The following LYPLAL1 variants were observed in gnomAD, a reference collection of about 807,000 sequenced individuals.
LYPLAL1 encodes lysophospholipase-like protein 1.
Under a neutral mutation model 19.7 loss-of-function variants are expected in LYPLAL1, and 23 were observed. The ratio of observed to expected loss-of-function variants is 1.17; its 90% CI spans 0.84 to 1.65. The LOEUF (loss-of-function observed/expected upper bound fraction) is 1.65, where lower values mean the gene tolerates loss of function less well. Ranked by LOEUF, LYPLAL1 falls within the 40% of genes most tolerant of loss-of-function variation. The probability of loss-of-function intolerance (pLI) is 0.00; values close to 1 mark genes in which losing one functional copy is unlikely to be tolerated. For synonymous variants in LYPLAL1, 119 were observed against 96.3 expected, an observed-to-expected ratio of 1.24 and a Z score of -1.38; for missense variants, 355 against 279.4, an observed-to-expected ratio of 1.27 and a Z score of -1.93.
the LYPLAL1 span, among the ~76,000 whole-genome samples, chr1:219,296,725 T>C: frequency 1.8e-4 from 27 of 152,312 alleles, no homozygotes; most frequent in Non-Finnish European, 2.6e-4. Flanking sequence ...CATGCATACT[T>C]CCAACATTAG....
At chr1:219,323,401 T>C in the LYPLAL1 span, among the ~76,000 whole-genome samples, 1 of 151,982 alleles carries the variant, frequency 6.6e-6, no homozygotes, top group Non-Finnish European at 1.5e-5. Flanking sequence ...ATTAGGTGAG[T>C]TTGAAAGAGG....
chr1:219,341,909 ATTTGT>A, the LYPLAL1 span, among the ~76,000 whole-genome samples: 2 of 152,154 alleles, frequency 1.3e-5, no homozygotes, highest in African/African-American at 4.8e-5. Flanking sequence ...TTTCTAATAG[ATTTGT>A]TTTACTGAAG....
the LYPLAL1 span, among the ~76,000 whole-genome samples, chr1:219,346,617 G>A: frequency 6.6e-6 from 1 of 152,162 alleles, no homozygotes; most frequent in Non-Finnish European, 1.5e-5. Context: ...GAGAGACGCT[G>A]TGTTGAACCA....
the LYPLAL1 span, among the ~76,000 whole-genome samples, chr1:219,259,661 G>A: frequency 6.6e-6 from 1 of 151,532 alleles, no homozygotes; most frequent in East Asian, 1.9e-4. Context: ...AGAGAAGTGA[G>A]AGATAAAAGA....
the LYPLAL1 span, among the ~76,000 whole-genome samples, chr1:219,356,754 T>G: frequency 6.6e-6 from 1 of 152,176 alleles, no homozygotes; most frequent in African/African-American, 2.4e-5. Flanking sequence ...GTTTCAAAAA[T>G]TACTTGCAAT....
chr1:219,234,853 G>A, the LYPLAL1 span, among the ~76,000 whole-genome samples: 9 of 152,056 alleles, frequency 5.9e-5, no homozygotes, highest in African/African-American at 1.2e-4. Context: ...AGTTATAATC[G>A]CAAACAATGG....
At chr1:219,411,395 C>T in the LYPLAL1 span, among the ~76,000 whole-genome samples, 1 of 152,138 alleles carries the variant, frequency 6.6e-6, no homozygotes, top group Non-Finnish European at 1.5e-5. Flanking sequence ...TATCTAGCTG[C>T]TCTGGTGGGG....
chr1:219,376,144 A>G, the LYPLAL1 span, among the ~76,000 whole-genome samples: 3 of 152,172 alleles, frequency 2.0e-5, no homozygotes, highest in African/African-American at 7.2e-5. Flanking sequence ...GTAAAGATGG[A>G]CATATAGACC....
chr1:219,285,998 A>C, the LYPLAL1 span, among the ~76,000 whole-genome samples: 1 of 152,180 alleles, frequency 6.6e-6, no homozygotes, highest in African/African-American at 2.4e-5. Flanking sequence ...ATAGAAATAG[A>C]GCTAGAGATA....
At position 219,211,667 on chromosome 1, in the gene LYPLAL1, T is replaced by C; in HGVS notation, c.653T>C (p.Leu218Ser). Residue 218 changes from leucine to serine, a missense_variant, in exon 5 of 5, where the codon TTA becomes TCA. Physicochemically the swap from Leu to Ser is moderately radical, Grantham distance 145. Coordinates refer to ENST00000366928, the MANE Select transcript of LYPLAL1 (RefSeq NM_138794.5). Reference protein sequence around the residue: ...NVYHELSKTELDILKLWILTK... With the variant: ...NVYHELSKTESDILKLWILTK... Reference sequence around the variant, plus strand: ...TACCATGAGCTAAGCAAAACTGAGTTAGACATATTGAAGTTATGGATTCTT... The same window carrying C: ...TACCATGAGCTAAGCAAAACTGAGTCAGACATATTGAAGTTATGGATTCTT... 1 of 1,613,124 alleles carries C rather than the reference T, an allele frequency of 6.2e-7. No individual in the cohort carries two copies. Among genetic ancestry groups the C allele is most frequent in the Non-Finnish European group, 8.5e-7 (1 of 1,179,470 alleles).
chr1:219,436,478 C>T, the LYPLAL1 span, among the ~76,000 whole-genome samples: 15 of 152,074 alleles, frequency 9.9e-5, no homozygotes, highest in African/African-American at 3.6e-4. Flanking sequence ...AATAGGGGCC[C>T]TTGGCACTCC....
At chr1:219,412,376 A>G in the LYPLAL1 span, among the ~76,000 whole-genome samples, 1 of 152,026 alleles carries the variant, frequency 6.6e-6, no homozygotes, top group Non-Finnish European at 1.5e-5. Context: ...TCCTCCCTTA[A>G]CTTCATGACT....
the LYPLAL1 span, among the ~76,000 whole-genome samples, chr1:219,322,004 G>A: frequency 6.6e-6 from 1 of 152,138 alleles, no homozygotes; most frequent in Non-Finnish European, 1.5e-5. Context: ...TGGAGGCACA[G>A]TTTCATCTAT....
the LYPLAL1 span, among the ~76,000 whole-genome samples, chr1:219,319,482 T>C: frequency 1.3e-5 from 2 of 152,140 alleles, no homozygotes; most frequent in Non-Finnish European, 2.9e-5. Context: ...CAAAATCCCC[T>C]AGAATCCAAC....
chr1:219,191,157 C>G (rs1419055559), intron 2 of LYPLAL1, among the ~76,000 whole-genome samples: 2 of 151,590 alleles, frequency 1.3e-5, no homozygotes, highest in Non-Finnish European at 3.0e-5. Context: ...TCCTACCTTT[C>G]CTGTAGAAAG....
At chr1:219,365,698 A>G in the LYPLAL1 span, among the ~76,000 whole-genome samples, 1 of 152,300 alleles carries the variant, frequency 6.6e-6, no homozygotes, top group Admixed American at 6.5e-5. Flanking sequence ...GTCATAAAGG[A>G]AAGACTATCA....
chr1:219,388,144 C>A, the LYPLAL1 span, among the ~76,000 whole-genome samples: 150 of 152,266 alleles, frequency 9.9e-4, no homozygotes, highest in African/African-American at 3.5e-3. Flanking sequence ...TTGCTCATGC[C>A]CTGCACATAG....
chr1:219,173,915 C>G lies in LYPLAL1; in HGVS notation c.25C>G (p.Leu9Val), dbSNP rs377207165. 1 of 1,613,588 alleles carries G rather than the reference C, an allele frequency of 6.2e-7. No homozygotes were observed. Among genetic ancestry groups the G allele is most frequent in the East Asian group, 2.2e-5 (1 of 44,866 alleles). The change falls in exon 1 of 5, where the codon CTG (leucine) becomes GTG (valine). Residue 9 changes from leucine to valine, a missense_variant. Transcript: ENST00000366928. The stretch of plus-strand genomic sequence containing the variant: ...GATGGCGGCTGCGTCGGGGTCGGTT[C>G]TGCAGCGCTGTATCGTGTCGCCGGC... The part of the protein sequence containing the change: MAAASGSV[L>V]QRCIVSPAGR...
the LYPLAL1 span, among the ~76,000 whole-genome samples, chr1:219,342,489 T>G: frequency 1.3e-5 from 2 of 152,134 alleles, no homozygotes; most frequent in African/African-American, 4.8e-5. Context: ...TGGCTACTGC[T>G]GTTGTTATGA....
Sources: allele counts gnomAD v4.1 joint callset (sites outside exome capture counted in the v4.1 genomes callset), GRCh38; gene constraint gnomAD v4.1.1; transcripts MANE v1.5; gene names NCBI Gene and HGNC (gene_info 2026-07-23, HGNC 2026-07-21).